FHIT: variants seen among roughly 807,000 people sequenced by gnomAD.
FHIT encodes bis(5'-adenosyl)-triphosphatase.
FHIT carries 19 observed loss-of-function variants against 17.9 expected under a neutral mutation model. The observed-to-expected ratio is 1.06, with a 90% CI of 0.74 to 1.56. FHIT has a LOEUF of 1.56. Ranked by LOEUF, FHIT falls within the 40% of genes most tolerant of loss-of-function variation. The probability of loss-of-function intolerance (pLI) is 0.00; values close to 1 mark genes in which losing one functional copy is unlikely to be tolerated. For synonymous variants in FHIT, 81 were observed against 69.7 expected (o/e 1.16, Z -0.81); for missense variants, 248 against 189.2 (o/e 1.31, Z -1.82).
chr3:60,377,680 A>C (rs975139597), intron 5 of FHIT, among the ~76,000 whole-genome samples: 129 of 147,850 alleles, frequency 8.7e-4, no homozygotes, highest in African/African-American at 3.1e-3. Flanking sequence ...ACGGGGTTTC[A>C]CCTTGTTAGC....
intron 4 of FHIT, among the ~76,000 whole-genome samples, chr3:60,746,035 G>A (rs2108020347): frequency 1.3e-5 from 2 of 152,226 alleles, no homozygotes; most frequent in East Asian, 3.9e-4. Context: ...AGTCAAAGTG[G>A]GTAAAATGTT....
Position 60,354,936 on chromosome 3 carries a change from T to C in FHIT, c.103+181924A>G, listed in dbSNP as rs538895789. Among the ~76,000 whole-genome samples, 4 of 152,344 alleles carry C rather than the reference T, an allele frequency of 2.6e-5. No homozygotes were observed. In the East Asian group the frequency reaches 7.7e-4, roughly 29 times the overall value. On this transcript the variant is annotated intron_variant, in intron 5 of 9. Transcript: ENST00000492590. ...TTCACTCCGGGAGTCTGTGACTACT[T>C]ATCCTTAAACATTTCCAGTAAATTT...
intron 8 of FHIT, among the ~76,000 whole-genome samples, chr3:59,810,630 G>A (rs1700376943): frequency 2.6e-5 from 4 of 152,176 alleles, no homozygotes; most frequent in Non-Finnish European, 4.4e-5. Context: ...ACACAGATGT[G>A]TTAATTTATA....
rs7620934 is a variant in FHIT at position 60,804,837 on chromosome 3, A to G, written c.-18+17082T>C. ...TCCTCCAAAACCATTCTTCAATGCC[A>G]CCTCCTCCGAGGAGACTTCTCTGCC... is the stretch of plus-strand genomic sequence containing the variant. On this transcript the variant is annotated intron_variant, in intron 4 of 9. Transcript: ENST00000492590. Among the ~76,000 whole-genome samples the G allele has an allele frequency of 9.8e-3, 1,489 of 152,128 alleles. 29 individuals carry two copies. The highest frequency in any genetic ancestry group is 0.034 in the African/African-American group (1,398 of 41,492).
At chr3:60,605,855 A>G (rs1319241139) in intron 4 of FHIT, among the ~76,000 whole-genome samples, 1 of 152,188 alleles carries the variant, frequency 6.6e-6, no homozygotes, top group Admixed American at 6.5e-5. Context: ...GAGGAAAGAT[A>G]AAGTTATAAG....
At chr3:60,999,848 G>A (rs2030943497) in intron 3 of FHIT, among the ~76,000 whole-genome samples, 1 of 152,112 alleles carries the variant, frequency 6.6e-6, no homozygotes, top group African/African-American at 2.4e-5. Flanking sequence ...TCTGGAGACT[G>A]GGAAGCCCAT....
intron 5 of FHIT, among the ~76,000 whole-genome samples, chr3:60,293,133 A>G (rs969040557): frequency 3.9e-5 from 6 of 152,172 alleles, no homozygotes; most frequent in African/African-American, 1.4e-4. Context: ...AGTATAATAT[A>G]CACCTTGGTT....
At chr3:59,960,852 A>C (rs1469044982) in intron 7 of FHIT, among the ~76,000 whole-genome samples, 1 of 152,148 alleles carries the variant, frequency 6.6e-6, no homozygotes, top group Non-Finnish European at 1.5e-5. Flanking sequence ...CTTTTGTAGA[A>C]TGAGGAGAGA....
chr3:60,107,428 T>C (rs1174952507), intron 5 of FHIT, among the ~76,000 whole-genome samples: 1 of 152,194 alleles, frequency 6.6e-6, no homozygotes, highest in Non-Finnish European at 1.5e-5. Context: ...AAAGAGTTTA[T>C]TTGATCGAAC....
intron 4 of FHIT, among the ~76,000 whole-genome samples, chr3:60,623,108 T>G (rs1285441842): frequency 3.9e-5 from 6 of 152,240 alleles, no homozygotes; most frequent in Admixed American, 3.9e-4. Flanking sequence ...CAGTGCCTAG[T>G]GCGGGACCTG....
At chr3:60,000,649 G>GA (rs1699693453) in intron 7 of FHIT, among the ~76,000 whole-genome samples, 2 of 149,514 alleles carry the variant, frequency 1.3e-5, no homozygotes, top group Middle Eastern at 3.4e-3. Flanking sequence ...AGACATGAGA[G>GA]AAAATCCTTC....
intron 3 of FHIT, among the ~76,000 whole-genome samples, chr3:61,016,884 AT>A (rs762941592): frequency 3.9e-5 from 6 of 152,244 alleles, no homozygotes; most frequent in Non-Finnish European, 7.3e-5. Context: ...AAATAACAAA[AT>A]GGGTGTATAT....
chr3:60,235,234 G>GTTTTTTTTT (rs11441829), intron 5 of FHIT, among the ~76,000 whole-genome samples: 1 of 143,086 alleles, frequency 7.0e-6, no homozygotes, highest in Admixed American at 6.9e-5. Flanking sequence ...TTTGTTTGTT[G>GTTTTTTTTT]TTTTTTTTTT....
chr3:61,186,996 T>A (rs2038535071), intron 2 of FHIT, among the ~76,000 whole-genome samples: 1 of 152,198 alleles, frequency 6.6e-6, no homozygotes, highest in Non-Finnish European at 1.5e-5. Context: ...ATATGCTTTG[T>A]TGGTTTACTA....
intron 5 of FHIT, among the ~76,000 whole-genome samples, chr3:60,416,218 T>C (rs1425957234): frequency 2.6e-5 from 4 of 152,006 alleles, no homozygotes; most frequent in African/African-American, 4.8e-5. Context: ...AAAAAGTCAA[T>C]ATTCATAGGA....
intron 5 of FHIT, among the ~76,000 whole-genome samples, chr3:60,229,713 C>T (rs1255946648): frequency 6.6e-6 from 1 of 152,154 alleles, no homozygotes; most frequent in Non-Finnish European, 1.5e-5. Flanking sequence ...AGTGCTGTGG[C>T]TCACACTTAC....
At chr3:60,468,342 T>C (rs1344276675) in intron 5 of FHIT, among the ~76,000 whole-genome samples, 1 of 152,106 alleles carries the variant, frequency 6.6e-6, no homozygotes, top group Non-Finnish European at 1.5e-5. Context: ...TTGTTATTTG[T>C]TTTCTGGTTG....
At chr3:60,707,264 A>G (rs1285339347) in intron 4 of FHIT, among the ~76,000 whole-genome samples, 5 of 152,198 alleles carry the variant, frequency 3.3e-5, no homozygotes, top group African/African-American at 1.2e-4. Context: ...GACAATTTTA[A>G]TCACCTTACA....
chr3:60,475,885 C>T (rs1234866452), intron 5 of FHIT, among the ~76,000 whole-genome samples: 3 of 152,106 alleles, frequency 2.0e-5, no homozygotes, highest in African/African-American at 7.2e-5. Flanking sequence ...CCTTCCAGTC[C>T]CCTTCAGCGT....
Sources: allele counts gnomAD v4.1 joint callset (sites outside exome capture counted in the v4.1 genomes callset), GRCh38; gene constraint gnomAD v4.1.1; transcripts MANE v1.5; gene names NCBI Gene and HGNC (gene_info 2026-07-23, HGNC 2026-07-21).